The following SLC23A2 variants were observed in gnomAD, a reference collection of about 807,000 sequenced individuals.
The protein encoded by SLC23A2 is solute carrier family 23 member 2.
In SLC23A2, 36 loss-of-function variants were observed where a neutral mutation model predicts 73.3. The observed-to-expected ratio is 0.49, with a 90% CI of 0.38 to 0.65. The LOEUF (loss-of-function observed/expected upper bound fraction) is 0.65, where lower values mean the gene tolerates loss of function less well. Ranked by LOEUF, SLC23A2 falls within the 30% of genes least tolerant of loss-of-function variation. The pLI, the probability that SLC23A2 is intolerant of heterozygous loss-of-function variation, is 0.00. For synonymous variants in SLC23A2, 343 were observed against 327.3 expected (o/e 1.05, Z -0.52); for missense variants, 507 against 841.6 (o/e 0.60, Z 4.92).
chr20:4,921,228 T>A (rs1932491451), intron 3 of SLC23A2, among the ~76,000 whole-genome samples: 1 of 152,214 alleles, frequency 6.6e-6, no homozygotes, highest in Non-Finnish European at 1.5e-5. Context: ...AAAGTCTTCA[T>A]AAAGCAGATT....
intron 9 of SLC23A2, among the ~76,000 whole-genome samples, chr20:4,876,542 T>A (rs1930661230): frequency 6.6e-6 from 1 of 152,208 alleles, no homozygotes; most frequent in Non-Finnish European, 1.5e-5. Context: ...TGTCCACACA[T>A]CTTAACTGAG....
At chr20:4,929,265 A>T (rs952321990) in intron 3 of SLC23A2, among the ~76,000 whole-genome samples, 1 of 140,958 alleles carries the variant, frequency 7.1e-6, no homozygotes, top group Non-Finnish European at 1.6e-5. Flanking sequence ...GACCCTGTGT[A>T]AAAAAAAAAA....
At chr20:4,977,166 G>C (rs2087655013) in intron 1 of SLC23A2, among the ~76,000 whole-genome samples, 1 of 152,084 alleles carries the variant, frequency 6.6e-6, no homozygotes, top group South Asian at 2.1e-4. Context: ...ATACTATCAT[G>C]ACACAGGGAA....
intron 15 of SLC23A2, among the ~76,000 whole-genome samples, chr20:4,860,789 C>T (rs942652022): frequency 1.3e-5 from 2 of 152,150 alleles, no homozygotes; most frequent in Non-Finnish European, 2.9e-5. Context: ...GCCTGTAATC[C>T]CAACACTTTG....
intron 11 of SLC23A2, among the ~76,000 whole-genome samples, chr20:4,870,519 G>A (rs1170657889): frequency 6.6e-6 from 1 of 152,050 alleles, no homozygotes; most frequent in Non-Finnish European, 1.5e-5. Flanking sequence ...GGAGGTTGCA[G>A]TGAGCCAAGA....
chr20:4,893,697 T>C (rs1931415473), intron 6 of SLC23A2, among the ~76,000 whole-genome samples: 1 of 152,184 alleles, frequency 6.6e-6, no homozygotes, highest in Non-Finnish European at 1.5e-5. Context: ...CCAGCTACAA[T>C]GACTCTCTTG....
At chr20:4,864,794 A>G (rs544711642) in intron 13 of SLC23A2, among the ~76,000 whole-genome samples, 3 of 152,268 alleles carry the variant, frequency 2.0e-5, no homozygotes, top group South Asian at 2.1e-4. Context: ...GGTGAGTAAG[A>G]GTTCGCTAGT....
At chr20:4,957,352 C>T (rs2087307205) in intron 2 of SLC23A2, among the ~76,000 whole-genome samples, 1 of 151,920 alleles carries the variant, frequency 6.6e-6, no homozygotes, top group Non-Finnish European at 1.5e-5. Flanking sequence ...ATCCCAGCTA[C>T]TCAGTAGGCT....
rs6037992 is a variant in SLC23A2 at position 4,856,675 on chromosome 20, G to C, written c.*297C>G. 91,045 of 299,086 alleles carry C rather than the reference G, an allele frequency of 0.3. 19,863 individuals carry two copies. The highest frequency in any genetic ancestry group is 0.74 in the African/African-American group (33,800 of 45,578). 18.5% of individuals were successfully genotyped at this position (299,086 alleles called of 1,614,324 possible). A position where few individuals can be genotyped will look rare whatever the true frequency, so the allele number is the denominator to read the frequency against. On this transcript the variant is annotated 3_prime_UTR_variant, in exon 17 of 17. Transcript: ENST00000338244. This position sits in a 1 kb window ranked among gnomAD's most constrained non-coding sequence, Gnocchi z 4.6. ...GTGGAAGGGAACTGAAGCAAGGAAT[G>C]GCTGCAGATTTTAAATGTCCACTCC...
chr20:4,990,760 A>T (rs2087911406), intron 1 of SLC23A2, among the ~76,000 whole-genome samples: 1 of 150,974 alleles, frequency 6.6e-6, no homozygotes, highest in Non-Finnish European at 1.5e-5. Flanking sequence ...AGGCAGGTGG[A>T]TCGCTAGAGG....
Position 4,868,181 on chromosome 20 carries a change from G to C in SLC23A2, c.1251-306C>G, listed in dbSNP as rs1032223943. On this transcript the variant is annotated intron_variant, in intron 12 of 16. Transcript: ENST00000338244. The surrounding 1 kb of genome is among the most constrained non-coding windows in gnomAD (Gnocchi z 4.4). ...TGCAACCTCCACCTCCTGGGTTCAA[G>C]AGATTCTCCTGCCTCCCGAGTAGCT... Among the ~76,000 whole-genome samples the C allele has an allele frequency of 2.0e-5, 3 of 148,912 alleles. No homozygotes were observed. Among genetic ancestry groups the C allele is most frequent in the African/African-American group, 7.4e-5 (3 of 40,306 alleles).
rs1313584518 is a variant in SLC23A2 at position 4,998,766 on chromosome 20, G to A, written c.-282+2640C>T. Among the ~76,000 whole-genome samples, 1 of 150,134 alleles carries A rather than the reference G, an allele frequency of 6.7e-6. No individual in the cohort carries two copies. Among genetic ancestry groups the A allele is most frequent in the Non-Finnish European group, 1.5e-5 (1 of 67,698 alleles). On this transcript the variant is annotated intron_variant, in intron 1 of 16. Coordinates refer to ENST00000338244, the MANE Select transcript of SLC23A2 (RefSeq NM_005116.6). The surrounding 1 kb of genome is among the most constrained non-coding windows in gnomAD (Gnocchi z 4.1). ...GTTTTTAAAAAGCTTCAATTTACAT[G>A]TACAAAGCACCATATAATTTCAAAT...
chr20:4,909,159 G>A (rs1366377581), intron 4 of SLC23A2, among the ~76,000 whole-genome samples: 2 of 152,124 alleles, frequency 1.3e-5, no homozygotes, highest in East Asian at 1.9e-4. Context: ...ATACATACAG[G>A]TTGAAAATGC....
chr20:5,008,557 C>G (rs2088215282), intron 1 of SLC23A2, among the ~76,000 whole-genome samples: 1 of 152,128 alleles, frequency 6.6e-6, no homozygotes, highest in Non-Finnish European at 1.5e-5. Flanking sequence ...TAACCATTCT[C>G]CCCTACTCCC....
At chr20:5,001,139 G>A (rs1387299122) in intron 1 of SLC23A2, among the ~76,000 whole-genome samples, 1 of 151,686 alleles carries the variant, frequency 6.6e-6, no homozygotes, top group Non-Finnish European at 1.5e-5. Context: ...GAAGGGGTGG[G>A]TACCCCGGGG....
chr20:4,894,210 A>G (rs1047043813), intron 6 of SLC23A2, among the ~76,000 whole-genome samples: 3 of 152,136 alleles, frequency 2.0e-5, no homozygotes, highest in African/African-American at 7.2e-5. Flanking sequence ...TCAGGGGATC[A>G]AGGTCAAAGG....
In SLC23A2 at chr20:4,863,515, G is replaced by A. The variant is rs1009567685; in HGVS notation, c.1357-608C>T. 6.6e-6 allele frequency among the ~76,000 whole-genome samples: 1 copy of A among 152,190 alleles called. No individual in the cohort carries two copies. The highest frequency in any genetic ancestry group is 2.4e-5 in the African/African-American group (1 of 41,452). On this transcript the variant is annotated intron_variant, in intron 13 of 16. Coordinates refer to ENST00000338244, the MANE Select transcript of SLC23A2 (RefSeq NM_005116.6). This position sits in a 1 kb window ranked among gnomAD's most constrained non-coding sequence, Gnocchi z 4.8. ...CGTGGTTTTGTTTTGAGGATTAAAC[G>A]GGACCTGCATAAAACTGCCTGAATG...
intron 2 of SLC23A2, among the ~76,000 whole-genome samples, chr20:4,958,335 C>T (rs544726782): frequency 1.3e-5 from 2 of 152,236 alleles, no homozygotes; most frequent in South Asian, 4.1e-4. Flanking sequence ...AATGAGTATT[C>T]TCAGATTAAA....
At chr20:4,909,411 GTAGGGGGCACAT>G (rs1441652979) in intron 4 of SLC23A2, among the ~76,000 whole-genome samples, 1 of 152,126 alleles carries the variant, frequency 6.6e-6, no homozygotes, top group Non-Finnish European at 1.5e-5. Context: ...TATAAAGAAC[GTAGGGGGCACAT>G]TTTCAACTTT....
Sources: gnomAD v4.1 joint callset for allele counts (sites outside exome capture counted in the v4.1 genomes callset) on GRCh38, gnomAD v4.1.1 for gene constraint, Gnocchi (gnomAD v3.1) non-coding constraint, MANE v1.5 for transcripts, NCBI Gene and HGNC (gene_info 2026-07-23, HGNC 2026-07-21) for gene names.